The following PRDM5 variants were observed in gnomAD, a reference collection of about 807,000 sequenced individuals.
PRDM5 encodes the protein PR/SET domain 5, also known as PR domain zinc finger protein 5.
In PRDM5, 56 loss-of-function variants were observed where a neutral mutation model predicts 81.2. The ratio of observed to expected loss-of-function variants is 0.69; its 90% CI spans 0.56 to 0.86. The LOEUF (loss-of-function observed/expected upper bound fraction) is 0.86, where lower values mean the gene tolerates loss of function less well. Ranked by LOEUF, PRDM5 falls within the 40% of genes least tolerant of loss-of-function variation. The pLI, the probability that PRDM5 is intolerant of heterozygous loss-of-function variation, is 0.00. For missense variants in PRDM5, 697 were observed against 770.1 expected, an observed-to-expected ratio of 0.91 and a Z score of 1.12; for synonymous variants, 267 against 256.4, an observed-to-expected ratio of 1.04 and a Z score of -0.39.
rs184837238 is a variant in PRDM5, at chr4:120,906,175, C to T, written c.177+1299G>A. On this transcript the variant is annotated intron_variant, in intron 2 of 15. Transcript: ENST00000264808. Reference sequence around the variant, plus strand: ...TTTTTAAGACATTGGGTTGCTATGTCGCTCTGGCTGGGCTCCAACTCCTGG... The same window carrying T: ...TTTTTAAGACATTGGGTTGCTATGTTGCTCTGGCTGGGCTCCAACTCCTGG... Among the ~76,000 whole-genome samples the T allele has an allele frequency of 3.1e-4, 47 of 152,050 alleles. No homozygotes were observed. The East Asian group carries it at 5.8e-3, about 19-fold the overall frequency.
chr4:120,921,512 A>C (rs1724908731), intron 1 of PRDM5, among the ~76,000 whole-genome samples: 1 of 152,162 alleles, frequency 6.6e-6, no homozygotes, highest in Non-Finnish European at 1.5e-5. Flanking sequence ...GGTCAGAGGC[A>C]AAGGGGAGAG....
At chr4:120,780,184 G>C (rs78180856) in intron 12 of PRDM5, among the ~76,000 whole-genome samples, 5 of 152,090 alleles carry the variant, frequency 3.3e-5, no homozygotes, top group Non-Finnish European at 7.4e-5. Context: ...CCTGAGTGCA[G>C]TGTCTCATGC....
At chr4:120,690,158 A>C (rs185558200), downstream of PRDM5, among the ~76,000 whole-genome samples, 67 of 152,322 alleles carry the variant, frequency 4.4e-4, no homozygotes, top group Admixed American at 2.5e-3. Context: ...TTAGAAAATA[A>C]AAAGTATAGA....
chr4:120,913,982 G>T (rs891728245), intron 1 of PRDM5, among the ~76,000 whole-genome samples: 1 of 152,106 alleles, frequency 6.6e-6, no homozygotes. Flanking sequence ...CAGGACTGAC[G>T]CCACAGAGGA....
intron 14 of PRDM5, among the ~76,000 whole-genome samples, chr4:120,737,751 C>G (rs1468928304): frequency 1.3e-5 from 2 of 152,184 alleles, no homozygotes; most frequent in African/African-American, 4.8e-5. Context: ...AAGGTAGAGA[C>G]AATGTCTGAT....
intron 3 of PRDM5, among the ~76,000 whole-genome samples, chr4:120,842,816 C>T (rs1010769124): frequency 4.6e-5 from 7 of 152,306 alleles, no homozygotes; most frequent in African/African-American, 1.7e-4. Flanking sequence ...AATCCTATTA[C>T]AACCAAAAGC....
At chr4:120,837,295 T>G (rs1229187599) in intron 3 of PRDM5, 1 of 152,266 alleles carries the variant, frequency 6.6e-6, no homozygotes, top group Non-Finnish European at 1.5e-5. Flanking sequence ...AAATCTCATT[T>G]CATAAGCATG....
At chr4:120,876,286 C>G (rs1472082691) in intron 2 of PRDM5, among the ~76,000 whole-genome samples, 1 of 152,226 alleles carries the variant, frequency 6.6e-6, no homozygotes, top group Non-Finnish European at 1.5e-5. Context: ...TGCAGCTCTT[C>G]TTGCTGGAGA....
At position 120,853,456 on chromosome 4, in the gene PRDM5, C is replaced by T. The variant is rs1415178813; in HGVS notation, c.262G>A (p.Ala88Thr). Residue 88 changes from alanine (A) to threonine (T), a missense_variant, in exon 3 of 16, where the codon GCA (alanine) becomes ACA (threonine). This residue lies in a region of PRDM5 where 577 missense variants were observed against 606.7 expected (regional missense o/e 0.95). Transcript: ENST00000264808. ...HSNWLRFVHEAPSQEQKNLAA... is the reference protein window; with the variant it reads ...HSNWLRFVHETPSQEQKNLAA... The stretch of plus-strand genomic sequence containing the variant: ...AAGTTCTTCTGCTCCTGAGATGGTG[C>T]CTCATGAACGAAGCGAAGCCAGTTG... 1 of 1,613,734 alleles carries T rather than the reference C, an allele frequency of 6.2e-7. No homozygotes were observed. Among genetic ancestry groups the T allele is most frequent in the African/African-American group, 1.3e-5 (1 of 74,990 alleles).
chr4:120,739,691 A>T (rs959872779), intron 14 of PRDM5, among the ~76,000 whole-genome samples: 1 of 151,348 alleles, frequency 6.6e-6, no homozygotes, highest in Non-Finnish European at 1.5e-5. Flanking sequence ...TTCACCTTTT[A>T]CTCTCAAAGC....
chr4:120,707,400 T>C (rs1736342574), intron 15 of PRDM5, among the ~76,000 whole-genome samples: 1 of 151,310 alleles, frequency 6.6e-6, no homozygotes, highest in Non-Finnish European at 1.5e-5. Context: ...ATTAAAAAAA[T>C]CCCTCAGAAA....
At position 120,818,398 on chromosome 4, in the gene PRDM5, T is replaced by C. The variant is rs749065211; in HGVS notation, c.605A>G (p.Lys202Arg). 2.5e-6 allele frequency: 4 copies of C among 1,614,116 alleles called. No individual in the cohort carries two copies. In the Admixed American group the frequency reaches 5.0e-5, roughly 20 times the overall value. The part of the protein sequence containing the change: ...KPTEEKEFKC[K>R]NCGKKFPVKQ... ...AACTGGGAATTTCTTCCCACAGTTC[T>C]TGCACTTAAATTCTTTCTCCTCTGT... The change falls in exon 5 of 16, where the codon AAG becomes AGG. Residue 202 changes from lysine (K) to arginine (R), a missense_variant. Lys to Arg is a conservative substitution (Grantham distance 26). Transcript: ENST00000264808.
At chr4:120,782,224 C>T (rs1749138848) in intron 11 of PRDM5, among the ~76,000 whole-genome samples, 2 of 152,116 alleles carry the variant, frequency 1.3e-5, no homozygotes, top group South Asian at 4.1e-4. Context: ...ATAAGACAGA[C>T]TAGTATTTGA....
chr4:120,788,545 C>T (rs987439845), intron 10 of PRDM5, among the ~76,000 whole-genome samples: 2 of 152,166 alleles, frequency 1.3e-5, no homozygotes, highest in African/African-American at 4.8e-5. Flanking sequence ...GTTTTTAGAG[C>T]ATCCAGGTTG....
chr4:120,697,180 T>C lies in PRDM5; in HGVS notation c.1729-1905A>G, dbSNP rs117728654. On this transcript the variant is annotated intron_variant, in intron 15 of 15. Transcript: ENST00000264808. ...GCATACTGTACTTGAGAAATACATT[T>C]ACAAAAAATAACACATACACAAACA... Among the ~76,000 whole-genome samples the C allele has an allele frequency of 2.2e-3, 339 of 152,220 alleles. 4 individuals carry two copies. In the East Asian group the frequency reaches 0.051, roughly 23 times the overall value.
intron 14 of PRDM5, among the ~76,000 whole-genome samples, chr4:120,735,532 T>TA (rs374608342): frequency 4.1e-4 from 61 of 148,560 alleles, no homozygotes; most frequent in Non-Finnish European, 4.3e-4. Flanking sequence ...TACTGGGGCA[T>TA]AAAAAAAAAA....
At chr4:120,777,102 A>G (rs1156827314) in intron 13 of PRDM5, 86 bp downstream of exon 13, 2 of 1,606,084 alleles carry the variant, frequency 1.2e-6, no homozygotes, top group Non-Finnish European at 1.7e-6. Flanking sequence ...TCTGGAAGAT[A>G]TTTGTATTAT....
chr4:120,828,031 T>G (rs957389861), intron 3 of PRDM5, among the ~76,000 whole-genome samples: 1 of 152,108 alleles, frequency 6.6e-6, no homozygotes, highest in Non-Finnish European at 1.5e-5. Context: ...TAGTTTTTCA[T>G]GTACTTTGTC....
intron 14 of PRDM5, among the ~76,000 whole-genome samples, chr4:120,739,868 A>G (rs762097720): frequency 6.6e-6 from 1 of 152,090 alleles, no homozygotes; most frequent in Non-Finnish European, 1.5e-5. Flanking sequence ...AGTTACACAG[A>G]GATTAAGAAT....
Sources: allele counts gnomAD v4.1 joint callset (sites outside exome capture counted in the v4.1 genomes callset), GRCh38; gene constraint gnomAD v4.1.1; regional missense constraint gnomAD v4.1.1; transcripts MANE v1.5; gene names NCBI Gene and HGNC (gene_info 2026-07-23, HGNC 2026-07-21).